Variants in NRG3 observed in about 807,000 individuals in gnomAD.
The protein encoded by NRG3 is neuregulin 3.
Under a neutral mutation model 66.9 loss-of-function variants are expected in NRG3, and 31 were observed. That is an observed-to-expected ratio of 0.46 (90% CI 0.35 to 0.63). The LOEUF is 0.63. NRG3 is among the 20% of genes least tolerant of loss of function. The pLI is 0.00. For missense variants in NRG3, 910 were observed against 878.9 expected (o/e 1.04, Z -0.45); for synonymous variants, 393 against 359.4 (o/e 1.09, Z -1.06).
chr10:82,663,697 G>A (rs1404788248), intron 2 of NRG3, among the ~76,000 whole-genome samples: 1 of 152,174 alleles, frequency 6.6e-6, no homozygotes, highest in Non-Finnish European at 1.5e-5. Context: ...GAGGACATGA[G>A]CACTGCTGCA....
intron 1 of NRG3, among the ~76,000 whole-genome samples, chr10:81,924,679 G>A (rs954991712): frequency 3.3e-5 from 5 of 152,134 alleles, no homozygotes; most frequent in African/African-American, 1.2e-4. Flanking sequence ...ACCATCGTTC[G>A]AATTAATTTC....
chr10:82,639,756 G>A (rs1056618480), intron 2 of NRG3, among the ~76,000 whole-genome samples: 1 of 152,078 alleles, frequency 6.6e-6, no homozygotes, highest in African/African-American at 2.4e-5. Context: ...GGCTGAAAGA[G>A]CCCTGATTAT....
chr10:82,107,995 T>C (rs2067171038), intron 1 of NRG3, among the ~76,000 whole-genome samples: 1 of 152,194 alleles, frequency 6.6e-6, no homozygotes, highest in South Asian at 2.1e-4. Context: ...CGCAGCCGTC[T>C]GTGAGGTCTA....
At position 82,559,401 on chromosome 10, in the gene NRG3, T is replaced by C. The variant is rs559789514; in HGVS notation, c.954-179176T>C. On this transcript the variant is annotated intron_variant, in intron 2 of 8. Transcript: ENST00000372141. The stretch of plus-strand genomic sequence containing the variant: ...GACTACCGTCTAGTTCTGAAAAAGT[T>C]TGGCTAAGCCGAGGGGGATTCATTG... 6.6e-5 allele frequency among the ~76,000 whole-genome samples: 10 copies of C among 152,324 alleles called. No homozygotes were observed. The South Asian group carries it at 1.0e-3, about 16-fold the overall frequency.
intron 1 of NRG3, among the ~76,000 whole-genome samples, chr10:81,973,646 T>A: frequency 6.6e-6 from 1 of 152,316 alleles, no homozygotes; most frequent in Non-Finnish European, 1.5e-5. Context: ...TGATTTGCAT[T>A]TCTCTCATAA....
chr10:82,869,952 T>C (rs1591785553), intron 4 of NRG3, among the ~76,000 whole-genome samples: 2 of 150,202 alleles, frequency 1.3e-5, no homozygotes, highest in Admixed American at 1.3e-4. Flanking sequence ...TTTTCTAGAC[T>C]GTCATATATT....
intron 3 of NRG3, among the ~76,000 whole-genome samples, chr10:82,743,582 C>G (rs1367705521): frequency 6.6e-6 from 1 of 152,140 alleles, no homozygotes; most frequent in Non-Finnish European, 1.5e-5. Flanking sequence ...TTCCAAATGG[C>G]CTGCAGAGAC....
chr10:82,383,214 TTTTTCTTTTCTATAATTCAGGAC>T (rs2085739815), intron 2 of NRG3, among the ~76,000 whole-genome samples: 1 of 151,980 alleles, frequency 6.6e-6, no homozygotes, highest in African/African-American at 2.4e-5. Flanking sequence ...TCTGCTAACA[TTTTTCTTTTCTATAATTCAGGAC>T]TGCATTGTAC....
intron 2 of NRG3, among the ~76,000 whole-genome samples, chr10:82,381,902 T>G (rs2085644683): frequency 6.6e-6 from 1 of 152,106 alleles, no homozygotes. Context: ...TCACGTGAGT[T>G]TTTGTATGTG....
chr10:82,869,689 G>T (rs946764159), intron 4 of NRG3, among the ~76,000 whole-genome samples: 2 of 151,124 alleles, frequency 1.3e-5, no homozygotes, highest in African/African-American at 4.9e-5. Flanking sequence ...CTCACTGCAA[G>T]CTCCGCCTCA....
intron 4 of NRG3, among the ~76,000 whole-genome samples, chr10:82,883,234 A>C (rs1842447528): frequency 6.6e-6 from 1 of 151,314 alleles, no homozygotes; most frequent in African/African-American, 2.4e-5. Context: ...CTATGTATTT[A>C]CAGGTCTTTT....
intron 2 of NRG3, among the ~76,000 whole-genome samples, chr10:82,611,163 A>G (rs1035629454): frequency 2.0e-5 from 3 of 152,084 alleles, no homozygotes; most frequent in Non-Finnish European, 4.4e-5. Context: ...TTTTAAAGAT[A>G]TTTGGTATCT....
At chr10:82,003,932 C>T (rs534513538) in intron 1 of NRG3, among the ~76,000 whole-genome samples, 24 of 151,084 alleles carry the variant, frequency 1.6e-4, no homozygotes, top group Admixed American at 1.6e-3. Context: ...GTGGGAGGAT[C>T]GCTTGAGCCC....
At chr10:82,692,274 A>C (rs559477595) in intron 2 of NRG3, among the ~76,000 whole-genome samples, 1 of 151,624 alleles carries the variant, frequency 6.6e-6, no homozygotes, top group South Asian at 2.1e-4. Context: ...AAAAGTAACA[A>C]TTAATTCCAT....
At chr10:82,447,955 C>T (rs1006329142) in intron 2 of NRG3, among the ~76,000 whole-genome samples, 7 of 152,152 alleles carry the variant, frequency 4.6e-5, no homozygotes, top group African/African-American at 1.2e-4. Flanking sequence ...GATACAGTTC[C>T]GTTACGCCTT....
intron 2 of NRG3, among the ~76,000 whole-genome samples, chr10:82,470,893 T>C (rs984086429): frequency 3.3e-5 from 5 of 152,146 alleles, no homozygotes; most frequent in African/African-American, 9.7e-5. Flanking sequence ...GGGACCTCTG[T>C]TTATACAGCT....
At position 81,902,233 on chromosome 10, in the gene NRG3, T is replaced by G. The variant is rs113633675; in HGVS notation, c.823+26070T>G. Among the ~76,000 whole-genome samples the G allele has an allele frequency of 5.8e-3, 883 of 152,138 alleles. 6 individuals carry two copies. The highest frequency in any genetic ancestry group is 0.02 in the African/African-American group (843 of 41,506). On this transcript the variant is annotated intron_variant, in intron 1 of 8. Transcript: ENST00000372141. ...CTGAGCTCAAGATTTCCTTTCTAAA[T>G]AAAGGAAAGGGAAAGAGGATTTTCT...
intron 1 of NRG3, among the ~76,000 whole-genome samples, chr10:82,251,200 C>A (rs986626863): frequency 6.6e-6 from 1 of 152,120 alleles, no homozygotes; most frequent in Admixed American, 6.5e-5. Flanking sequence ...TAGTTCTCAC[C>A]TCTAACAACC....
intron 1 of NRG3, among the ~76,000 whole-genome samples, chr10:82,116,189 C>T (rs1481374432): frequency 6.6e-6 from 1 of 151,960 alleles, no homozygotes; most frequent in Non-Finnish European, 1.5e-5. Flanking sequence ...GTAGTTAGAT[C>T]CAGGTGGATT....
Sources: allele counts gnomAD v4.1 joint callset (sites outside exome capture counted in the v4.1 genomes callset), GRCh38; gene constraint gnomAD v4.1.1; transcripts MANE v1.5; gene names NCBI Gene and HGNC (gene_info 2026-07-23, HGNC 2026-07-21).